CD9: variants seen among roughly 807,000 people sequenced by gnomAD.
The protein encoded by CD9 is CD9 molecule.
Under a neutral mutation model 31.4 loss-of-function variants are expected in CD9, and 10 were observed. The ratio of observed to expected loss-of-function variants is 0.32; its 90% CI spans 0.20 to 0.54. CD9 has a LOEUF of 0.54. CD9 is among the 20% of genes least tolerant of loss of function. The probability of loss-of-function intolerance (pLI) is 0.94; values close to 1 mark genes in which losing one functional copy is unlikely to be tolerated. For missense variants in CD9, 259 were observed against 300.1 expected (o/e 0.86, Z 1.01); for synonymous variants, 113 against 114.1 (o/e 0.99, Z 0.06).
intron 1 of CD9, among the ~76,000 whole-genome samples, chr12:6,222,012 G>A (rs1285876898): frequency 6.6e-6 from 1 of 152,016 alleles, no homozygotes; most frequent in African/African-American, 2.4e-5. Flanking sequence ...TAAAGCAGCT[G>A]GGGTGAAAGC....
At chr12:6,215,956 G>A (rs552422564) in intron 1 of CD9, among the ~76,000 whole-genome samples, 18 of 152,344 alleles carry the variant, frequency 1.2e-4, no homozygotes, top group Non-Finnish European at 2.2e-4. Flanking sequence ...AAAGCCTCTA[G>A]TCCTGCCCAA....
intron 1 of CD9, among the ~76,000 whole-genome samples, chr12:6,212,901 C>T (rs1946207061): frequency 6.6e-6 from 1 of 152,090 alleles, no homozygotes; most frequent in South Asian, 2.1e-4. Context: ...CATATAATAG[C>T]AGGGGCCATT....
chr12:6,236,351 C>A, intron 7 of CD9, 76 bp downstream of exon 7: 1 of 1,288,764 alleles, frequency 7.8e-7, no homozygotes, highest in Non-Finnish European at 1.1e-6. Flanking sequence ...ACCCAGACAC[C>A]GCCGCACTCT....
chr12:6,229,108 C>A (rs914244428), intron 2 of CD9, among the ~76,000 whole-genome samples: 2 of 152,374 alleles, frequency 1.3e-5, no homozygotes, highest in African/African-American at 4.8e-5. Flanking sequence ...GATCCCTAAT[C>A]CCAGGCTGCA....
chr12:6,214,344 CTT>C (rs71450123), intron 1 of CD9, among the ~76,000 whole-genome samples: 3 of 67,068 alleles, frequency 4.5e-5, no homozygotes, highest in South Asian at 6.8e-4. Flanking sequence ...CCATTAGCCT[CTT>C]TTTTTTTTTT....
intron 1 of CD9, among the ~76,000 whole-genome samples, chr12:6,222,024 G>A (rs552275250): frequency 2.6e-4 from 40 of 152,154 alleles, no homozygotes; most frequent in African/African-American, 9.6e-4. Flanking sequence ...GGTGAAAGCC[G>A]GATGGGGACA....
At chr12:6,223,555 C>T (rs796174572) in intron 1 of CD9, among the ~76,000 whole-genome samples, 1 of 152,116 alleles carries the variant, frequency 6.6e-6, no homozygotes, top group African/African-American at 2.4e-5. Context: ...GCCACTGCAC[C>T]CAGCCCACCT....
intron 6 of CD9, 40 bp from the exon 7 acceptor site, chr12:6,236,152 A>G: frequency 6.2e-7 from 1 of 1,611,778 alleles, no homozygotes; most frequent in Non-Finnish European, 8.5e-7. Flanking sequence ...CCTGGGAGGA[A>G]GGATTGTGTG....
At chr12:6,235,908 G>A (rs1946515065) in intron 6 of CD9, 1 of 1,380,084 alleles carries the variant, frequency 7.2e-7, no homozygotes, top group Non-Finnish European at 9.3e-7. Flanking sequence ...CTCCAGAATA[G>A]TAAAAGGTGA....
chr12:6,232,723 G>A lies in CD9; in HGVS notation c.267G>A (p.Leu89=), dbSNP rs1244099943. 1 of 1,556,470 alleles carries A rather than the reference G, an allele frequency of 6.4e-7. No individual in the cohort carries two copies. The highest frequency in any genetic ancestry group is 8.7e-7 in the Non-Finnish European group (1 of 1,155,044). The change falls in exon 3 of 8, where the codon CTG becomes CTA. Residue 89 remains leucine, a synonymous_variant. Coordinates refer to ENST00000009180, the MANE Select transcript of CD9 (RefSeq NM_001769.4). This position sits in a 1 kb window ranked among gnomAD's most constrained non-coding sequence, Gnocchi z 4.8. ...CTGTGCAGGAGTCCCAGTGCATGCT[G>A]GGACTGGTGAGTATCCCCTCGGCAT... The part of the protein sequence containing the change: ...CGAVQESQCM[L]GLFFGFLLVI...
intron 1 of CD9, among the ~76,000 whole-genome samples, chr12:6,214,478 C>T (rs912705539): frequency 6.7e-6 from 1 of 149,264 alleles, no homozygotes; most frequent in South Asian, 2.1e-4. Context: ...CCCCAAGTAG[C>T]TGGAACTACA....
At chr12:6,211,541 C>T (rs529047547) in intron 1 of CD9, among the ~76,000 whole-genome samples, 2 of 152,334 alleles carry the variant, frequency 1.3e-5, no homozygotes, top group South Asian at 2.1e-4. Flanking sequence ...CCACTCAGGG[C>T]CACGCACGCA....
At chr12:6,200,396 C>T (rs1359754539), upstream of CD9, 4 of 755,454 alleles carry the variant, frequency 5.3e-6, no homozygotes, top group South Asian at 2.9e-5. Context: ...GGAGACCAGC[C>T]TACAGCCGCC....
intron 1 of CD9, among the ~76,000 whole-genome samples, chr12:6,212,957 C>T (rs982253300): frequency 6.6e-6 from 1 of 152,026 alleles, no homozygotes; most frequent in Non-Finnish European, 1.5e-5. Context: ...GGGCCAGGAG[C>T]GGGCAAGGAG....
chr12:6,230,164 T>C (rs1472178213), intron 2 of CD9, among the ~76,000 whole-genome samples: 1 of 152,162 alleles, frequency 6.6e-6, no homozygotes, highest in Non-Finnish European at 1.5e-5. Context: ...CGGCTGCTGC[T>C]GAGTCCCCGA....
Position 6,232,881 on chromosome 12 carries a change from CG to C in CD9, c.273+153del, listed in dbSNP as rs1946467054. On this transcript the variant is annotated intron_variant, in intron 3 of 7. Transcript: ENST00000009180. The surrounding 1 kb of genome is among the most constrained non-coding windows in gnomAD (Gnocchi z 4.8). ...GCTGTCCTCAGCCTGGGCCCCTCCC[CG>C]ATGTGAGGCGTCGCCCCTCTTCCTT... The C allele has an allele frequency of 4.2e-6, 3 of 706,524 alleles. No homozygotes were observed. In the Admixed American group the frequency reaches 6.0e-5, roughly 14 times the overall value. 43.8% of individuals were successfully genotyped at this position (706,524 alleles called of 1,614,324 possible).
chr12:6,237,387 G>GA (rs768020275), intron 7 of CD9, among the ~76,000 whole-genome samples: 3,173 of 146,280 alleles, frequency 0.022, 47 homozygotes, highest in Non-Finnish European at 0.022. Context: ...CATCTCAAAA[G>GA]AAAAAAAAAA....
chr12:6,202,051 G>T (rs929869400), intron 1 of CD9, among the ~76,000 whole-genome samples: 3 of 152,062 alleles, frequency 2.0e-5, no homozygotes, highest in African/African-American at 7.2e-5. Context: ...AAGTAGAAAA[G>T]AAACAAATGC....
At chr12:6,210,107 G>T (rs1203080215) in intron 1 of CD9, among the ~76,000 whole-genome samples, 2 of 152,178 alleles carry the variant, frequency 1.3e-5, no homozygotes, top group African/African-American at 2.4e-5. Flanking sequence ...TTGAGAGCTC[G>T]TGCCCAGGGC....
Sources: gnomAD v4.1 joint callset for allele counts (sites outside exome capture counted in the v4.1 genomes callset) on GRCh38, gnomAD v4.1.1 for gene constraint, Gnocchi (gnomAD v3.1) non-coding constraint, MANE v1.5 for transcripts, NCBI Gene and HGNC (gene_info 2026-07-23, HGNC 2026-07-21) for gene names.